Variants in SP140 observed in about 807,000 individuals in gnomAD.
SP140 encodes nuclear body protein SP140.
In SP140, 81 loss-of-function variants were observed where a neutral mutation model predicts 125.0. The observed-to-expected ratio is 0.65, with a 90% confidence interval of 0.54 to 0.78. SP140 has a LOEUF of 0.78. Ranked by LOEUF, SP140 falls within the 30% of genes least tolerant of loss-of-function variation. The pLI, the probability that SP140 is intolerant of heterozygous loss-of-function variation, is 0.00. For synonymous variants in SP140, 312 were observed against 354.0 expected (o/e 0.88, Z 1.33); for missense variants, 858 against 1,037.0 (o/e 0.83, Z 2.37).
At chr2:230,226,342 G>A (rs2046345126) in intron 1 of SP140, among the ~76,000 whole-genome samples, 2 of 152,156 alleles carry the variant, frequency 1.3e-5, no homozygotes, top group South Asian at 2.1e-4. Flanking sequence ...TTGGGGACCG[G>A]TTCTGCTCTG....
chr2:230,269,599 G>C lies in SP140; in HGVS notation c.1308G>C (p.Leu436=). 6.3e-7 allele frequency: 1 copy of C among 1,582,372 alleles called. No homozygotes were observed. Among genetic ancestry groups the C allele is most frequent in the Non-Finnish European group, 8.6e-7 (1 of 1,160,246 alleles). Residue 436 remains leucine, a synonymous_variant, in exon 13 of 27, where the codon CTG becomes CTC. Coordinates refer to ENST00000392045, the MANE Select transcript of SP140 (RefSeq NM_007237.5). ...EGESEELASS[L]LYDNVPGAEQ... is the part of the protein sequence containing the mutation. ...AATCAGAAGAGCTTGCTTCTAGCCT[G>C]CTATATGATAATGTACCAGGTAATT...
chr2:230,238,637 CAT>C (rs2048305200), intron 3 of SP140: 1 of 874,368 alleles, frequency 1.1e-6, no homozygotes. Context: ...TGCTGTAAAA[CAT>C]AGGGTTGAAG....
chr2:230,195,432 C>G, the SP140 span, among the ~76,000 whole-genome samples: 2 of 152,004 alleles, frequency 1.3e-5, no homozygotes, highest in Non-Finnish European at 2.9e-5. Context: ...CATCCTGGGT[C>G]CAAGTGATTA....
chr2:230,288,469 CTTTCT>C (rs1216085738), intron 18 of SP140, among the ~76,000 whole-genome samples: 37 of 97,874 alleles, frequency 3.8e-4, no homozygotes, highest in Admixed American at 3.5e-3. Context: ...TTCTTTCTTT[CTTTCT>C]TTCTTTCTTT....
At chr2:230,224,437 G>A (rs1221964834), upstream of SP140, among the ~76,000 whole-genome samples, 5 of 143,646 alleles carry the variant, frequency 3.5e-5, no homozygotes, top group East Asian at 1.0e-3. Context: ...GAGGGAGGGA[G>A]AGGGAGGGAG....
At chr2:230,315,702 G>A (rs1159803554), downstream of SP140, among the ~76,000 whole-genome samples, 2 of 152,166 alleles carry the variant, frequency 1.3e-5, no homozygotes, top group Admixed American at 6.5e-5. Flanking sequence ...TAAGTTAAAA[G>A]CAATATCACA....
At chr2:230,273,966 G>A (rs1251155805) in intron 15 of SP140, among the ~76,000 whole-genome samples, 1 of 152,078 alleles carries the variant, frequency 6.6e-6, no homozygotes, top group Non-Finnish European at 1.5e-5. Context: ...GAAGGTGAAG[G>A]GTTGGAGGAG....
intron 1 of SP140, among the ~76,000 whole-genome samples, chr2:230,226,728 CT>C (rs1161323705): frequency 7.5e-6 from 1 of 133,162 alleles, no homozygotes; most frequent in East Asian, 2.1e-4. Context: ...CACCATTACA[CT>C]TTAGCCTGGG....
At position 230,215,123 on chromosome 2, in the gene SP140, A is replaced by G. The variant is rs777815658; in HGVS notation, c.-91+1049A>G. 1.9e-6 allele frequency: 3 copies of G among 1,611,156 alleles called. No individual in the cohort carries two copies. Among genetic ancestry groups the G allele is most frequent in the South Asian group, 1.1e-5 (1 of 90,962 alleles). On this transcript the variant is annotated intron_variant, in intron 3 of 4. Transcript: ENST00000456542. The stretch of plus-strand genomic sequence containing the variant: ...TCTACAGGCTTCCAGAGATTCCTAT[A>G]AAAATGGAGTGAAGGTTTTTATAAA...
intron 5 of SP140, 63 bp from the exon 6 acceptor site, chr2:230,244,925 C>T: frequency 8.3e-7 from 1 of 1,199,138 alleles, no homozygotes; most frequent in Middle Eastern, 2.8e-4. Context: ...GTGCTGAACA[C>T]CAGGATTCAG....
chr2:230,202,466 G>T, upstream of SP140: 2 of 971,300 alleles, frequency 2.1e-6, no homozygotes, highest in Non-Finnish European at 3.2e-6. Context: ...CTCATTCTCT[G>T]TACTTTTTCC....
rs969477783 is a variant in SP140 at position 230,211,705 on chromosome 2, C to T, written c.-322-1949C>T. ...GGATGGCATAGAGTGGGAAAGTAAG[C>T]AACCATTCACTCTCAATTAGCCACT... On this transcript the variant is annotated intron_variant, in intron 1 of 4. Coordinates refer to the SP140 transcript ENST00000456542. This position sits in a 1 kb window ranked among gnomAD's most constrained non-coding sequence, Gnocchi z 4.2. The T allele has an allele frequency of 6.0e-6, 4 of 661,942 alleles. No homozygotes were observed. The highest frequency in any genetic ancestry group is 5.4e-5 in the African/African-American group (3 of 55,550). The allele number at this position is 661,942 out of a possible 1,614,324, so 41.0% of individuals were successfully genotyped here.
intron 18 of SP140, among the ~76,000 whole-genome samples, chr2:230,289,562 C>T (rs2056877510): frequency 6.6e-6 from 1 of 152,206 alleles, no homozygotes; most frequent in Non-Finnish European, 1.5e-5. Flanking sequence ...GCAGACTCCA[C>T]CTCCCAGGAT....
intron 7 of SP140, among the ~76,000 whole-genome samples, chr2:230,247,182 T>G (rs187295624): frequency 5.3e-5 from 8 of 152,316 alleles, no homozygotes; most frequent in Admixed American, 4.6e-4. Context: ...TCTAAGTTCA[T>G]TCATCTGAGT....
At chr2:230,220,042 G>A (rs1574819039) in intron 3 of SP140, 2 of 985,564 alleles carry the variant, frequency 2.0e-6, no homozygotes, top group Non-Finnish European at 1.2e-6. Flanking sequence ...GAAAGTTTTC[G>A]GAGTTTGCCA....
At chr2:230,268,305 C>T (rs1323332766) in intron 12 of SP140, among the ~76,000 whole-genome samples, 1 of 152,060 alleles carries the variant, frequency 6.6e-6, no homozygotes, top group South Asian at 2.1e-4. Flanking sequence ...GAGTGGATCA[C>T]CTGAGGTCAG....
chr2:230,202,729 C>T (rs751053906), upstream of SP140: 2 of 1,614,012 alleles, frequency 1.2e-6, no homozygotes. Context: ...GAGGCTGTCC[C>T]TGGACCAAAT....
At chr2:230,288,169 C>T (rs760791276) in intron 18 of SP140, 10 of 475,190 alleles carry the variant, frequency 2.1e-5, no homozygotes, top group Non-Finnish European at 3.4e-5. Context: ...ACAACCAGAT[C>T]CCAGGGGCCC....
At chr2:230,305,482 AG>A (rs1383516592) in intron 22 of SP140, among the ~76,000 whole-genome samples, 1 of 152,362 alleles carries the variant, frequency 6.6e-6, no homozygotes, top group East Asian at 1.9e-4. Context: ...CGTGGGTCTT[AG>A]GGGGCAGACA....
Sources: allele counts gnomAD v4.1 joint callset (sites outside exome capture counted in the v4.1 genomes callset), GRCh38; gene constraint gnomAD v4.1.1; non-coding constraint Gnocchi (gnomAD v3.1); transcripts MANE v1.5; gene names NCBI Gene and HGNC (gene_info 2026-07-23, HGNC 2026-07-21).